Variants in PRPSAP1 observed in about 807,000 individuals in gnomAD.
The protein encoded by PRPSAP1 is phosphoribosyl pyrophosphate synthase-associated protein 1.
Under a neutral mutation model 39.4 loss-of-function variants are expected in PRPSAP1, and 31 were observed. The ratio of observed to expected loss-of-function variants is 0.79; its 90% CI spans 0.59 to 1.06. PRPSAP1 has a LOEUF of 1.06. PRPSAP1 is among the 50% of genes least tolerant of loss of function. PRPSAP1 has a pLI of 0.00. For synonymous variants in PRPSAP1, 212 were observed against 192.6 expected, an observed-to-expected ratio of 1.10 and a Z score of -0.83; for missense variants, 430 against 511.6, an observed-to-expected ratio of 0.84 and a Z score of 1.54.
At position 76,311,614 on chromosome 17, in the gene PRPSAP1, A is replaced by C; in HGVS notation, c.1086T>G (p.Ser362=). 6.2e-7 allele frequency: 1 copy of C among 1,614,228 alleles called. No homozygotes were observed. Among genetic ancestry groups the C allele is most frequent in the South Asian group, 1.1e-5 (1 of 91,088 alleles). The change falls in exon 10 of 10, where the codon TCT becomes TCG. Residue 362 remains serine (S), a synonymous_variant. Coordinates refer to ENST00000446526, the MANE Select transcript of PRPSAP1 (RefSeq NM_002766.3). The part of the protein sequence containing the change: ...IKTVDISLIL[S]EAIRRIHNGE... ...CATTGTGGATTCTCCGAATGGCTTCAGAAAGAATCAAACTGATATCCACAG... is the reference window on the plus strand; with the variant it reads ...CATTGTGGATTCTCCGAATGGCTTCCGAAAGAATCAAACTGATATCCACAG...
intron 9 of PRPSAP1, among the ~76,000 whole-genome samples, chr17:76,312,044 G>A (rs447294): frequency 0.15 from 22,804 of 152,096 alleles, 1,849 homozygotes; most frequent in African/African-American, 0.2. Context: ...CAAGCAAACC[G>A]TTATGCAAAT....
At chr17:76,329,608 C>T (rs560294323) in intron 6 of PRPSAP1, among the ~76,000 whole-genome samples, 5 of 152,076 alleles carry the variant, frequency 3.3e-5, no homozygotes, top group African/African-American at 7.2e-5. Flanking sequence ...TGGTGACAGG[C>T]GCCTGTAATC....
intron 7 of PRPSAP1, chr17:76,319,543 A>C (rs890666953): frequency 6.6e-6 from 1 of 151,918 alleles, no homozygotes; most frequent in Non-Finnish European, 1.5e-5. Context: ...ATCTTGGCTC[A>C]CTGCAACCTC....
chr17:76,322,477 G>A (rs1217900214), intron 7 of PRPSAP1, among the ~76,000 whole-genome samples: 5 of 152,100 alleles, frequency 3.3e-5, no homozygotes, highest in Admixed American at 1.3e-4. Context: ...TTTCATGCCC[G>A]CTAATACAAC....
At position 76,320,319 on chromosome 17, in the gene PRPSAP1, G is replaced by A. The variant is rs946852671; in HGVS notation, c.782-6428C>T. 4.2e-4 allele frequency among the ~76,000 whole-genome samples: 52 copies of A among 123,072 alleles called. 1 individual carries two copies. Among genetic ancestry groups the A allele is most frequent in the Admixed American group, 4.7e-4 (6 of 12,824 alleles). The allele number at this position is 123,072 out of a possible 152,430, so 80.7% of individuals were successfully genotyped here. A position where few individuals can be genotyped will look rare whatever the true frequency, so the allele number is the denominator to read the frequency against. ...GAAAGAAAAGAAAGGAAGGGAGGAAGGGAAGAAGGGAGGGAGGGAGGGAGG... is the reference window on the plus strand; with the variant it reads ...GAAAGAAAAGAAAGGAAGGGAGGAAAGGAAGAAGGGAGGGAGGGAGGGAGG... On this transcript the variant is annotated intron_variant, in intron 7 of 9. Transcript: ENST00000446526.
chr17:76,353,513 GC>G lies in PRPSAP1; in HGVS notation c.170+20del. The G allele has an allele frequency of 6.7e-7, 1 of 1,484,350 alleles. No individual in the cohort carries two copies. The highest frequency in any genetic ancestry group is 8.9e-7 in the Non-Finnish European group (1 of 1,121,822). 91.9% of individuals were successfully genotyped at this position (1,484,350 alleles called of 1,614,324 possible). Reference sequence around the variant, plus strand: ...GCTAGGCGCCGCCGCCCCCGGCCCGGCCCTCCCACCGCCCCCTTACTCTGTG... The same window carrying G: ...GCTAGGCGCCGCCGCCCCCGGCCCGGCCTCCCACCGCCCCCTTACTCTGTG... On this transcript the variant is annotated intron_variant, in intron 1 of 9. Transcript: ENST00000446526.
chr17:76,342,758 G>A (rs112436766), intron 3 of PRPSAP1, among the ~76,000 whole-genome samples: 136 of 151,460 alleles, frequency 9.0e-4, no homozygotes, highest in African/African-American at 3.1e-3. Context: ...TAAAGGCCAT[G>A]AGGAACTGCT....
At chr17:76,322,814 C>T (rs964760783) in intron 7 of PRPSAP1, among the ~76,000 whole-genome samples, 2 of 151,894 alleles carry the variant, frequency 1.3e-5, no homozygotes, top group South Asian at 2.1e-4. Context: ...GGCAAAACTC[C>T]GTCTCCACAA....
upstream of PRPSAP1, chr17:76,354,047 GC>G: frequency 9.1e-7 from 1 of 1,096,218 alleles, no homozygotes; most frequent in Non-Finnish European, 1.1e-6. Flanking sequence ...TCACAGGTTC[GC>G]CCCGCCCCTG....
At chr17:76,340,401 T>C (rs563437816) in intron 3 of PRPSAP1, among the ~76,000 whole-genome samples, 3 of 151,924 alleles carry the variant, frequency 2.0e-5, no homozygotes, top group Non-Finnish European at 2.9e-5. Context: ...TGGAAGACAC[T>C]TGCACACTGA....
intron 1 of PRPSAP1, among the ~76,000 whole-genome samples, chr17:76,349,945 G>T (rs1361614962): frequency 6.6e-6 from 1 of 151,844 alleles, no homozygotes; most frequent in African/African-American, 2.4e-5. Context: ...AATTAGCTGG[G>T]TGTGGTGGTG....
At chr17:76,320,035 C>G (rs1278542297) in intron 7 of PRPSAP1, among the ~76,000 whole-genome samples, 2 of 151,832 alleles carry the variant, frequency 1.3e-5, no homozygotes, top group African/African-American at 4.8e-5. Flanking sequence ...TTTGGGAGGC[C>G]AAGGCAGGCG....
intron 1 of PRPSAP1, among the ~76,000 whole-genome samples, chr17:76,352,659 A>AAG (rs2071589446): frequency 6.6e-6 from 1 of 151,022 alleles, no homozygotes; most frequent in South Asian, 2.1e-4. Flanking sequence ...AAAAAAAAAA[A>AAG]AAAAAAAAGA....
chr17:76,351,154 T>C (rs1310806453), intron 1 of PRPSAP1, among the ~76,000 whole-genome samples: 2 of 151,922 alleles, frequency 1.3e-5, no homozygotes, highest in African/African-American at 4.8e-5. Context: ...TCCCAGATCG[T>C]CTGAGGTCAG....
chr17:76,315,572 A>C (rs2071113598), intron 7 of PRPSAP1, among the ~76,000 whole-genome samples: 1 of 152,140 alleles, frequency 6.6e-6, no homozygotes, highest in South Asian at 2.1e-4. Context: ...CAAGACAAGA[A>C]GGCTTTGCAT....
chr17:76,345,975 C>T (rs2071496433), intron 2 of PRPSAP1: 8 of 471,206 alleles, frequency 1.7e-5, no homozygotes, highest in South Asian at 1.1e-4. Flanking sequence ...AAAAAGGCCA[C>T]TGCAAAGAAG....
chr17:76,336,003 A>G lies in PRPSAP1; in HGVS notation c.291-3568T>C, dbSNP rs1598532298. On this transcript the variant is annotated intron_variant, in intron 3 of 9. Coordinates refer to ENST00000446526, the MANE Select transcript of PRPSAP1 (RefSeq NM_002766.3). ...TCTCTCAAAAAACACACAAAAAAATAAAAACAAAATCAAGTAAAATACACA... is the reference window on the plus strand; with the variant it reads ...TCTCTCAAAAAACACACAAAAAAATGAAAACAAAATCAAGTAAAATACACA... 3.3e-5 allele frequency among the ~76,000 whole-genome samples: 5 copies of G among 152,154 alleles called. No individual in the cohort carries two copies. The South Asian group carries it at 1.0e-3, about 32-fold the overall frequency.
intron 1 of PRPSAP1, among the ~76,000 whole-genome samples, chr17:76,349,304 CAA>C (rs1333501040): frequency 4.4e-5 from 4 of 91,298 alleles, no homozygotes; most frequent in Admixed American, 1.2e-4. Flanking sequence ...AACTCCGTCT[CAA>C]AAAAAAAAAA....
At chr17:76,347,508 A>AAAAG (rs2071521108) in intron 2 of PRPSAP1, among the ~76,000 whole-genome samples, 1 of 149,432 alleles carries the variant, frequency 6.7e-6, no homozygotes, top group African/African-American at 2.4e-5. Flanking sequence ...AAAAAAAAAA[A>AAAAG]AAAAGAAAGC....
Sources: allele counts gnomAD v4.1 joint callset (sites outside exome capture counted in the v4.1 genomes callset), GRCh38; gene constraint gnomAD v4.1.1; transcripts MANE v1.5; gene names NCBI Gene and HGNC (gene_info 2026-07-23, HGNC 2026-07-21).